Variants in CBR4 observed in about 807,000 individuals in gnomAD.
CBR4 encodes the protein carbonyl reductase 4, also known as 3-oxoacyl-[acyl-carrier-protein] reductase.
Under a neutral mutation model 21.0 loss-of-function variants are expected in CBR4, and 22 were observed. That is an observed-to-expected ratio of 1.05 (90% CI 0.75 to 1.50). CBR4 has a LOEUF of 1.50. Ranked by LOEUF, CBR4 falls within the 40% of genes most tolerant of loss-of-function variation. The pLI is 0.00. For missense variants in CBR4, 302 were observed against 286.3 expected (o/e 1.05, Z -0.40); for synonymous variants, 100 against 104.4 (o/e 0.96, Z 0.26).
At chr4:168,950,697 C>T (rs2126701221) in intron 2 of CBR4, among the ~76,000 whole-genome samples, 1 of 152,088 alleles carries the variant, frequency 6.6e-6, no homozygotes, top group South Asian at 2.1e-4. Flanking sequence ...CTGAAGTCTC[C>T]CACTATTATT....
intron 4 of CBR4, among the ~76,000 whole-genome samples, chr4:168,994,645 C>T (rs1176333457): frequency 6.6e-6 from 1 of 151,952 alleles, no homozygotes; most frequent in African/African-American, 2.4e-5. Context: ...GTGGCACAAT[C>T]ACGGCTCACT....
intron 2 of CBR4, among the ~76,000 whole-genome samples, chr4:168,916,684 C>CTTTT (rs545906704): frequency 1.0e-4 from 14 of 136,468 alleles, no homozygotes; most frequent in Admixed American, 1.5e-4. Flanking sequence ...TTTTCTAATT[C>CTTTT]TTTTTTTTTT....
In CBR4 at chr4:168,987,769, G is replaced by A. The variant is rs1764739552; in HGVS notation, c.*2381C>T. On this transcript the variant is annotated 3_prime_UTR_variant, in exon 5 of 5. Coordinates refer to ENST00000306193, the MANE Select transcript of CBR4 (RefSeq NM_032783.5). ...TCTCTCTTTATTCTGAATAACAGAA[G>A]CACGTAAATTAAATTATCCTCTTTG... The A allele has an allele frequency of 3.0e-6, 3 of 984,552 alleles. No individual in the cohort carries two copies. In the Admixed American group the frequency reaches 1.8e-4, roughly 61 times the overall value. 61.0% of individuals were successfully genotyped at this position (984,552 alleles called of 1,614,324 possible). A position where few individuals can be genotyped will look rare whatever the true frequency, so the allele number is the denominator to read the frequency against.
intron 2 of CBR4, among the ~76,000 whole-genome samples, chr4:168,905,691 C>A (rs555866432): frequency 6.6e-6 from 1 of 151,812 alleles, no homozygotes; most frequent in African/African-American, 2.4e-5. Flanking sequence ...ATGACCATCA[C>A]CCTGAAAAAG....
intron 4 of CBR4, among the ~76,000 whole-genome samples, chr4:168,995,844 G>A (rs1765173678): frequency 6.6e-6 from 1 of 152,060 alleles, no homozygotes; most frequent in Non-Finnish European, 1.5e-5. Flanking sequence ...ACAGATAAAG[G>A]CTAACATCTT....
intron 2 of CBR4, among the ~76,000 whole-genome samples, chr4:168,948,663 C>G (rs1264205126): frequency 1.3e-5 from 2 of 152,116 alleles, no homozygotes; most frequent in Admixed American, 6.5e-5. Flanking sequence ...TGTCGAAGAT[C>G]AGTTGGCTGT....
chr4:168,960,475 A>C (rs1224791705), intron 2 of CBR4, among the ~76,000 whole-genome samples: 1 of 152,226 alleles, frequency 6.6e-6, no homozygotes, highest in African/African-American at 2.4e-5. Flanking sequence ...TAAAGGATCC[A>C]GAGAAGTTCA....
chr4:168,942,685 A>G (rs1306485194), intron 2 of CBR4, among the ~76,000 whole-genome samples: 1 of 152,172 alleles, frequency 6.6e-6, no homozygotes, highest in South Asian at 2.1e-4. Flanking sequence ...CAGTGAACAG[A>G]CAACCTACAC....
intron 2 of CBR4, among the ~76,000 whole-genome samples, chr4:168,948,991 C>T (rs1490211675): frequency 6.6e-6 from 1 of 152,202 alleles, no homozygotes; most frequent in East Asian, 1.9e-4. Context: ...TTCTACCCTT[C>T]CATGAGCATG....
intron 2 of CBR4, among the ~76,000 whole-genome samples, chr4:168,975,191 C>T (rs1304006395): frequency 6.6e-6 from 1 of 152,156 alleles, no homozygotes; most frequent in Non-Finnish European, 1.5e-5. Context: ...GTCTAGCCAC[C>T]CTTCAGGGCT....
At chr4:168,994,526 G>C (rs1200975391) in intron 4 of CBR4, among the ~76,000 whole-genome samples, 1 of 152,154 alleles carries the variant, frequency 6.6e-6, no homozygotes, top group East Asian at 1.9e-4. Context: ...ATCATAAAAT[G>C]AATGTAATAG....
At chr4:168,981,710 A>C (rs891698970) in intron 2 of CBR4, among the ~76,000 whole-genome samples, 5 of 152,244 alleles carry the variant, frequency 3.3e-5, no homozygotes, top group Non-Finnish European at 1.5e-5. Flanking sequence ...CTAACAACAG[A>C]ACTTTCAGCA....
At chr4:168,898,157 T>C (rs780671408) in intron 2 of CBR4, 2 of 350,868 alleles carry the variant, frequency 5.7e-6, no homozygotes, top group Non-Finnish European at 1.1e-5. Flanking sequence ...TTATATTTTA[T>C]TGTTATCAAC....
At chr4:168,916,427 T>C (rs1415492602) in intron 2 of CBR4, among the ~76,000 whole-genome samples, 1 of 152,010 alleles carries the variant, frequency 6.6e-6, no homozygotes, top group Non-Finnish European at 1.5e-5. Context: ...GAAATGATTC[T>C]AGCTTAAGGG....
chr4:168,991,697 A>T (rs1171575187), intron 4 of CBR4, among the ~76,000 whole-genome samples: 1 of 152,230 alleles, frequency 6.6e-6, no homozygotes, highest in Admixed American at 6.5e-5. Flanking sequence ...AATACAGGAC[A>T]TACAAATACG....
chr4:168,972,726 C>T (rs911096590), intron 2 of CBR4, among the ~76,000 whole-genome samples: 5 of 152,148 alleles, frequency 3.3e-5, no homozygotes, highest in African/African-American at 1.2e-4. Flanking sequence ...CATCAGCAAA[C>T]GGTGACAGTT....
intron 2 of CBR4, among the ~76,000 whole-genome samples, chr4:168,905,713 A>G (rs865914047): frequency 1.4e-4 from 21 of 151,910 alleles, no homozygotes; most frequent in Non-Finnish European, 2.1e-4. Flanking sequence ...CTAAATCACT[A>G]TTAAGAAGTT....
intron 2 of CBR4, among the ~76,000 whole-genome samples, chr4:168,911,360 C>T (rs1758909189): frequency 6.6e-6 from 1 of 152,082 alleles, no homozygotes. Flanking sequence ...TTTAACTTAC[C>T]ATGGATCTTC....
intron 2 of CBR4, chr4:168,926,873 C>CAAAG (rs1222975666): frequency 9.1e-6 from 2 of 219,716 alleles, no homozygotes; most frequent in Non-Finnish European, 1.8e-5. Context: ...GAAGAGATGA[C>CAAAG]AAAGAAATCC....
Sources: gnomAD v4.1 joint callset for allele counts (sites outside exome capture counted in the v4.1 genomes callset) on GRCh38, gnomAD v4.1.1 for gene constraint, MANE v1.5 for transcripts, NCBI Gene and HGNC (gene_info 2026-07-23, HGNC 2026-07-21) for gene names.